The following GNAL variants were observed in gnomAD, a reference collection of about 807,000 sequenced individuals.
GNAL encodes the protein G protein subunit alpha L, also known as guanine nucleotide-binding protein G(olf) subunit alpha.
Under a neutral mutation model 55.1 loss-of-function variants are expected in GNAL, and 18 were observed. That is an observed-to-expected ratio of 0.33 (90% confidence interval 0.23 to 0.48). The LOEUF (loss-of-function observed/expected upper bound fraction) is 0.48, where lower values mean the gene tolerates loss of function less well. Ranked by LOEUF, GNAL falls within the 20% of genes least tolerant of loss-of-function variation. The pLI, the probability that GNAL is intolerant of heterozygous loss-of-function variation, is 0.99. For missense variants in GNAL, 412 were observed against 614.1 expected (o/e 0.67, Z 3.48); for synonymous variants, 253 against 237.0 (o/e 1.07, Z -0.62).
At chr18:11,742,654 G>T (rs1424114085) in intron 1 of GNAL, among the ~76,000 whole-genome samples, 1 of 152,230 alleles carries the variant, frequency 6.6e-6, no homozygotes, top group Non-Finnish European at 1.5e-5. Flanking sequence ...GGCGATAGCA[G>T]TTCCCTTCCC....
chr18:11,879,892 C>T (rs1189142655), intron 11 of GNAL, among the ~76,000 whole-genome samples: 1 of 146,854 alleles, frequency 6.8e-6, no homozygotes, highest in Non-Finnish European at 1.5e-5. Context: ...TGCTAAACTG[C>T]CCCTGTGTGG....
chr18:11,818,986 C>T (rs1344867468), intron 4 of GNAL, among the ~76,000 whole-genome samples: 2 of 152,246 alleles, frequency 1.3e-5, no homozygotes, highest in African/African-American at 2.4e-5. Flanking sequence ...GACCACCGGC[C>T]ACCCCCAGCA....
chr18:11,800,611 G>A lies in GNAL; in HGVS notation c.625-24307G>A, dbSNP rs1300401384. Among the ~76,000 whole-genome samples the A allele has an allele frequency of 3.9e-5, 6 of 152,304 alleles. No homozygotes were observed. In the South Asian group the frequency reaches 8.3e-4, roughly 21 times the overall value. ...TTGGTAGGATGTCCCTGAGGCCATG[G>A]CCCAGGTTGAATTTGTTCTTTGCCA... On this transcript the variant is annotated intron_variant, in intron 4 of 11. Transcript: ENST00000334049.
At chr18:11,733,176 T>C (rs1043076563) in intron 1 of GNAL, among the ~76,000 whole-genome samples, 16 of 152,198 alleles carry the variant, frequency 1.1e-4, no homozygotes, top group Non-Finnish European at 5.9e-5. Flanking sequence ...AGGGAAAGGC[T>C]CCTGCAATGC....
intron 5 of GNAL, among the ~76,000 whole-genome samples, chr18:11,842,209 G>A (rs766977164): frequency 9.9e-5 from 15 of 151,868 alleles, no homozygotes; most frequent in South Asian, 2.1e-4. Flanking sequence ...TCGAATTCCC[G>A]ACCTCAGGTG....
At chr18:11,825,729 CAA>C (rs60460793) in intron 5 of GNAL, among the ~76,000 whole-genome samples, 33 of 76,932 alleles carry the variant, frequency 4.3e-4, no homozygotes, top group African/African-American at 6.9e-4. Flanking sequence ...GACTCTGTCT[CAA>C]AAAAAAAAAA....
intron 4 of GNAL, among the ~76,000 whole-genome samples, chr18:11,796,750 A>G (rs1052570487): frequency 6.6e-6 from 1 of 152,130 alleles, no homozygotes; most frequent in African/African-American, 2.4e-5. Context: ...TTTTAAACTT[A>G]TTAGAAACAT....
rs60235539 is a variant in GNAL at position 11,735,795 on chromosome 18, G to A, written c.377-17058G>A. ...AAGAGAGAAAGAAAGGAGGGAGGGA[G>A]GGAAGGAAGGAAAGGAAGGAAGGAA... On this transcript the variant is annotated intron_variant, in intron 1 of 11. Transcript: ENST00000334049. 1.3e-3 allele frequency among the ~76,000 whole-genome samples: 190 copies of A among 146,694 alleles called. 1 individual carries two copies. The highest frequency in any genetic ancestry group is 4.8e-3 in the African/African-American group (184 of 38,404).
chr18:11,748,128 T>TA (rs1436046016), intron 1 of GNAL, among the ~76,000 whole-genome samples: 9 of 152,232 alleles, frequency 5.9e-5, no homozygotes, highest in African/African-American at 1.9e-4. Context: ...GTGATTGGGT[T>TA]AAAAATTTTT....
chr18:11,743,444 A>G (rs1181462435), intron 1 of GNAL, among the ~76,000 whole-genome samples: 3 of 152,350 alleles, frequency 2.0e-5, no homozygotes, highest in South Asian at 2.1e-4. Context: ...GTTTGTGAAT[A>G]TAATCATTTG....
At chr18:11,854,505 G>A (rs1401620387) in intron 5 of GNAL, 1 of 166,246 alleles carries the variant, frequency 6.0e-6, no homozygotes, top group Non-Finnish European at 1.5e-5. Flanking sequence ...AGAATTGCGG[G>A]GCACAGTGGC....
intron 1 of GNAL, among the ~76,000 whole-genome samples, chr18:11,749,207 G>A (rs1407314660): frequency 2.0e-5 from 3 of 150,934 alleles, no homozygotes; most frequent in Non-Finnish European, 4.4e-5. Context: ...ATATTGCCAC[G>A]TGTGAATATA....
chr18:11,747,765 A>G (rs1167053613), intron 1 of GNAL, among the ~76,000 whole-genome samples: 1 of 152,118 alleles, frequency 6.6e-6, no homozygotes, highest in Non-Finnish European at 1.5e-5. Context: ...TTAAACTTCA[A>G]CAAGAGTGAG....
intron 1 of GNAL, among the ~76,000 whole-genome samples, chr18:11,748,761 T>TA (rs961207614): frequency 6.6e-6 from 1 of 151,732 alleles, no homozygotes; most frequent in Admixed American, 6.6e-5. Context: ...ATCTTGACAT[T>TA]AAAAAAAAGT....
In GNAL at chr18:11,751,643, A is replaced by G. The variant is rs185268200; in HGVS notation, c.377-1210A>G. ...ACGCACTTTCCCGGCTCGGGGTGCAAGAGAGCCAGGCGGCCGCGGCGCAGC... is the reference window on the plus strand; with the variant it reads ...ACGCACTTTCCCGGCTCGGGGTGCAGGAGAGCCAGGCGGCCGCGGCGCAGC... On this transcript the variant is annotated intron_variant, in intron 1 of 11. Coordinates refer to ENST00000334049, the MANE Select transcript of GNAL (RefSeq NM_182978.4). The surrounding 1 kb of genome is among the most constrained non-coding windows in gnomAD (Gnocchi z 4.5). 7.2e-5 allele frequency: 71 copies of G among 985,424 alleles called. 1 individual carries two copies. In the East Asian group the frequency reaches 7.2e-3, roughly 100 times the overall value. 61.0% of individuals were successfully genotyped at this position (985,424 alleles called of 1,614,324 possible).
intron 5 of GNAL, among the ~76,000 whole-genome samples, chr18:11,847,914 G>C (rs2035774110): frequency 6.6e-6 from 1 of 152,144 alleles, no homozygotes; most frequent in Admixed American, 6.6e-5. Context: ...GGAATATAAA[G>C]AATGGAAAAA....
At chr18:11,852,199 C>T in intron 5 of GNAL, 1 of 1,421,324 alleles carries the variant, frequency 7.0e-7, no homozygotes, top group Non-Finnish European at 9.3e-7. Context: ...CCTAGAAACT[C>T]TGAACACGCC....
Position 11,751,390 on chromosome 18 carries a change from C to A in GNAL, c.377-1463C>A. 2.3e-6 allele frequency: 1 copy of A among 441,590 alleles called. No homozygotes were observed. The highest frequency in any genetic ancestry group is 2.1e-5 in the African/African-American group (1 of 47,024). The allele number at this position is 441,590 out of a possible 1,614,324, so 27.4% of individuals were successfully genotyped here. On this transcript the variant is annotated intron_variant, in intron 1 of 11. Coordinates refer to ENST00000334049, the MANE Select transcript of GNAL (RefSeq NM_182978.4). This position sits in a 1 kb window ranked among gnomAD's most constrained non-coding sequence, Gnocchi z 4.5. ...GCCTTCTGGAAGAGTTGTTGTGCTG[C>A]TTGGGAGCACTGCACAGGAGAAACG...
chr18:11,830,093 G>T (rs2035344669), intron 5 of GNAL, among the ~76,000 whole-genome samples: 1 of 152,112 alleles, frequency 6.6e-6, no homozygotes, highest in African/African-American at 2.4e-5. Flanking sequence ...ATTTGATGTG[G>T]TATTAACGGA....
Sources: allele counts gnomAD v4.1 joint callset (sites outside exome capture counted in the v4.1 genomes callset), GRCh38; gene constraint gnomAD v4.1.1; non-coding constraint Gnocchi (gnomAD v3.1); transcripts MANE v1.5; gene names NCBI Gene and HGNC (gene_info 2026-07-23, HGNC 2026-07-21).